TOR1AIP1: variants seen among roughly 807,000 people sequenced by gnomAD.
TOR1AIP1 encodes the protein torsin 1A interacting protein 1, also known as torsin-1A-interacting protein 1.
TOR1AIP1 carries 54 observed loss-of-function variants against 63.3 expected under a neutral mutation model. That is an observed-to-expected ratio of 0.85 (90% CI 0.69 to 1.07). The LOEUF is 1.07. TOR1AIP1 is among the 50% of genes least tolerant of loss of function. The probability of loss-of-function intolerance (pLI) is 0.00; values close to 1 mark genes in which losing one functional copy is unlikely to be tolerated. For synonymous variants in TOR1AIP1, 294 were observed against 273.5 expected, an observed-to-expected ratio of 1.07 and a Z score of -0.74; for missense variants, 736 against 715.0, an observed-to-expected ratio of 1.03 and a Z score of -0.33.
At chr1:179,903,571 G>C (rs910704931) in intron 5 of TOR1AIP1, among the ~76,000 whole-genome samples, 1 of 151,166 alleles carries the variant, frequency 6.6e-6, no homozygotes, top group African/African-American at 2.4e-5. Flanking sequence ...ACAGTGGTGC[G>C]ATCTCGGCTC....
At chr1:179,889,182 G>C in intron 2 of TOR1AIP1, 131 bp from the exon 3 acceptor site, 1 of 565,310 alleles carries the variant, frequency 1.8e-6, no homozygotes, top group Non-Finnish European at 2.8e-6. Flanking sequence ...TAGAAAGCTT[G>C]TCTCTACTTC....
At chr1:179,894,420 C>CTCATGCCTG (rs1267528528) in intron 3 of TOR1AIP1, among the ~76,000 whole-genome samples, 1 of 152,098 alleles carries the variant, frequency 6.6e-6, no homozygotes. Flanking sequence ...GGCCTGGTGG[C>CTCATGCCTG]TCATGCCTGT....
At chr1:179,907,336 G>A (rs1648671650) in intron 6 of TOR1AIP1, among the ~76,000 whole-genome samples, 1 of 151,048 alleles carries the variant, frequency 6.6e-6, no homozygotes, top group Non-Finnish European at 1.5e-5. Context: ...AGGTGAGGCA[G>A]GAGAATATCT....
chr1:179,912,741 C>T (rs1385093845), intron 8 of TOR1AIP1, among the ~76,000 whole-genome samples: 1 of 152,098 alleles, frequency 6.6e-6, no homozygotes, highest in Non-Finnish European at 1.5e-5. Context: ...AACAGTATTC[C>T]TCTTACAGTT....
At chr1:179,910,692 C>G (rs538300118) in intron 8 of TOR1AIP1, among the ~76,000 whole-genome samples, 16 of 152,156 alleles carry the variant, frequency 1.1e-4, no homozygotes, top group African/African-American at 3.6e-4. Context: ...TTTGAAGACC[C>G]AAGAGATACT....
Position 179,884,735 on chromosome 1 carries a change from A to G in TOR1AIP1, c.519A>G (p.Ser173=), listed in dbSNP as rs1458152047. ...AAACTGATTTAAGCCAAACGATCTC[A>G]AAGAAAACTGTCAGGAGCATACAAG... ...SSQTDLSQTI[S]KKTVRSIQEA... is the part of the protein sequence containing the mutation. Residue 173 remains serine (S), a synonymous_variant, in exon 2 of 10, where the codon TCA becomes TCG. Coordinates refer to ENST00000606911, the MANE Select transcript of TOR1AIP1 (RefSeq NM_015602.4). 1 of 1,611,232 alleles carries G rather than the reference A, an allele frequency of 6.2e-7. No individual in the cohort carries two copies. Among genetic ancestry groups the G allele is most frequent in the Non-Finnish European group, 8.5e-7 (1 of 1,178,396 alleles).
rs1283793684 is a variant in TOR1AIP1, at chr1:179,882,661, C to G, written c.159C>G (p.Gly53=). 6.9e-6 allele frequency: 11 copies of G among 1,586,488 alleles called. No homozygotes were observed. In the Admixed American group the frequency reaches 7.1e-5, roughly 10 times the overall value. The change falls in exon 1 of 10, where the codon GGC becomes GGG. Residue 53 remains glycine (G), a synonymous_variant. Coordinates refer to ENST00000606911, the MANE Select transcript of TOR1AIP1 (RefSeq NM_015602.4). ...PAYRTPPSRQ[G]RREVRFSDEP... ...ACAGAACTCCTCCGTCGCGCCAGGG[C>G]CGGCGGGAAGTGAGGTTCTCGGACG...
At chr1:179,916,435 C>G (rs1032768347) in intron 9 of TOR1AIP1, among the ~76,000 whole-genome samples, 1 of 151,912 alleles carries the variant, frequency 6.6e-6, no homozygotes, top group Non-Finnish European at 1.5e-5. Context: ...CTGAAACAGT[C>G]AATAAGTAAA....
intron 6 of TOR1AIP1, among the ~76,000 whole-genome samples, chr1:179,906,085 TC>T (rs1648625847): frequency 6.6e-6 from 1 of 152,216 alleles, no homozygotes; most frequent in Non-Finnish European, 1.5e-5. Flanking sequence ...AGAAAAACCA[TC>T]CAGTTAAACT....
rs779061756 is a variant in TOR1AIP1 at position 179,908,718 on chromosome 1, C to CTATGTTT, written c.907+47_907+53dup. ...TTATTGAAATAATCTTGTGTATTTG[C>CTATGTTT]TATGTTTTTCTTGACAAAAATATTT... On this transcript the variant is annotated intron_variant, in intron 8 of 9. Coordinates refer to ENST00000606911, the MANE Select transcript of TOR1AIP1 (RefSeq NM_015602.4). The CTATGTTT allele has an allele frequency of 2.6e-6, 4 of 1,518,370 alleles. No homozygotes were observed. In the East Asian group the frequency reaches 9.1e-5, roughly 35 times the overall value. The allele number at this position is 1,518,370 out of a possible 1,614,324, so 94.1% of individuals were successfully genotyped here. A position where few individuals can be genotyped will look rare whatever the true frequency, so the allele number is the denominator to read the frequency against.
At chr1:179,891,090 T>C (rs984609174) in intron 3 of TOR1AIP1, among the ~76,000 whole-genome samples, 2 of 152,234 alleles carry the variant, frequency 1.3e-5, no homozygotes, top group Non-Finnish European at 2.9e-5. Context: ...TGTCTATAAT[T>C]ATGCCTATAT....
chr1:179,892,177 A>G (rs74966300), intron 3 of TOR1AIP1, among the ~76,000 whole-genome samples: 7,896 of 152,260 alleles, frequency 0.052, 310 homozygotes, highest in Non-Finnish European at 0.068. Context: ...TAGAGACTTA[A>G]AAAAGCTTTT....
At chr1:179,888,651 A>T (rs1434295417) in intron 2 of TOR1AIP1, among the ~76,000 whole-genome samples, 2 of 152,214 alleles carry the variant, frequency 1.3e-5, no homozygotes, top group South Asian at 4.1e-4. Context: ...GAAACAAAAC[A>T]TAATAGAATC....
rs1571741685 is a variant in TOR1AIP1, at chr1:179,918,984, A to G, written c.*745A>G. On this transcript the variant is annotated 3_prime_UTR_variant, in exon 10 of 10. Transcript: ENST00000606911. ...CCAAGGATTCTTCATGTATATTGCAAAATTTAATATATTTGTTCACTTGAG... is the reference window on the plus strand; with the variant it reads ...CCAAGGATTCTTCATGTATATTGCAGAATTTAATATATTTGTTCACTTGAG... 1 of 152,182 alleles carries G rather than the reference A, an allele frequency of 6.6e-6. No individual in the cohort carries two copies. Among genetic ancestry groups the G allele is most frequent in the African/African-American group, 2.4e-5 (1 of 41,434 alleles). 9.4% of individuals were successfully genotyped at this position (152,182 alleles called of 1,614,324 possible).
At chr1:179,909,961 G>A (rs962740156) in intron 8 of TOR1AIP1, among the ~76,000 whole-genome samples, 6 of 151,908 alleles carry the variant, frequency 3.9e-5, no homozygotes, top group Non-Finnish European at 7.4e-5. Context: ...ACGGGGTTTC[G>A]CCATGTTGGC....
Position 179,913,129 on chromosome 1 carries a change from AT to A in TOR1AIP1, c.908-852del, listed in dbSNP as rs745903061. Among the ~76,000 whole-genome samples the A allele has an allele frequency of 5.7e-3, 793 of 139,316 alleles. 4 individuals are homozygous for A. The highest frequency in any genetic ancestry group is 7.7e-3 in the Middle Eastern group (2 of 260). 91.4% of individuals were successfully genotyped at this position (139,316 alleles called of 152,430 possible). On this transcript the variant is annotated intron_variant, in intron 8 of 9. Coordinates refer to ENST00000606911, the MANE Select transcript of TOR1AIP1 (RefSeq NM_015602.4). ...TTTTTAATTTCTTTTCTTGTTTTTA[AT>A]TTTTTTTTTTTTTTTTAGAGATGGG...
At chr1:179,903,655 C>T (rs369796642) in intron 5 of TOR1AIP1, among the ~76,000 whole-genome samples, 3 of 152,092 alleles carry the variant, frequency 2.0e-5, no homozygotes, top group East Asian at 1.9e-4. Context: ...ATTACAGGCA[C>T]GCGCCACCAC....
chr1:179,899,506 G>A (rs978028836), intron 3 of TOR1AIP1, among the ~76,000 whole-genome samples: 5 of 152,076 alleles, frequency 3.3e-5, no homozygotes, highest in Non-Finnish European at 7.4e-5. Context: ...TAGGGGATTT[G>A]GCAAATAAGA....
chr1:179,885,090 C>G (rs978303087), intron 2 of TOR1AIP1, among the ~76,000 whole-genome samples: 7 of 152,182 alleles, frequency 4.6e-5, no homozygotes, highest in Non-Finnish European at 7.3e-5. Flanking sequence ...TCATAACTAG[C>G]TACTCAGTAA....
Sources: gnomAD v4.1 joint callset for allele counts (sites outside exome capture counted in the v4.1 genomes callset) on GRCh38, gnomAD v4.1.1 for gene constraint, MANE v1.5 for transcripts, NCBI Gene and HGNC (gene_info 2026-07-23, HGNC 2026-07-21) for gene names.